The following AHDC1 variants were observed in gnomAD, a reference collection of about 807,000 sequenced individuals.
AHDC1 encodes AT-hook DNA binding motif containing 1.
In AHDC1, 7 loss-of-function variants were observed where a neutral mutation model predicts 87.9. The ratio of observed to expected loss-of-function variants is 0.08; its 90% CI spans 0.05 to 0.15. The LOEUF is 0.15. AHDC1 is among the 10% of genes least tolerant of loss of function. The pLI is 1.00. For missense variants in AHDC1, 1,841 were observed against 2,253.2 expected, an observed-to-expected ratio of 0.82 and a Z score of 3.70; for synonymous variants, 1,051 against 1,006.8, an observed-to-expected ratio of 1.04 and a Z score of -0.83.
At chr1:27,592,283 C>T (rs535061448) in intron 3 of AHDC1, among the ~76,000 whole-genome samples, 3 of 152,258 alleles carry the variant, frequency 2.0e-5, no homozygotes, top group East Asian at 1.9e-4. Flanking sequence ...CCACAGAGCC[C>T]GTCACCACCC....
Position 27,534,439 on chromosome 1 carries a change from C to T in AHDC1, c.*521G>A, listed in dbSNP as rs1481724878. The T allele has an allele frequency of 6.6e-6, 1 of 151,856 alleles. No individual in the cohort carries two copies. 9.4% of individuals were successfully genotyped at this position (151,856 alleles called of 1,614,324 possible). On this transcript the variant is annotated 3_prime_UTR_variant, in exon 9 of 9. Coordinates refer to ENST00000673934, the MANE Select transcript of AHDC1 (RefSeq NM_001371928.1). ...AAGAGGTTCTTCTCCCTCCCCCCCA[C>T]CATGCGAATTTGCACACCACGGGAC...
At chr1:27,602,526 C>A (rs556902362) in intron 3 of AHDC1, among the ~76,000 whole-genome samples, 1 of 152,134 alleles carries the variant, frequency 6.6e-6, no homozygotes, top group Non-Finnish European at 1.5e-5. Context: ...AGCCCCCTGC[C>A]CCTCTGGCTC....
Position 27,547,557 on chromosome 1 carries a change from T to G in AHDC1, c.4559A>C (p.Glu1520Ala). ...ATPKADKEPL[E>A]MARPPGPPRG... is the part of the protein sequence containing the mutation. ...GGGTGGGCCAGGGGGCCGGGCCATT[T>G]CCAGTGGCTCCTTGTCGGCCTTGGG... The change falls in exon 8 of 9, where the codon GAA (glutamate) becomes GCA (alanine). Residue 1520 changes from glutamate to alanine, a missense_variant. Physicochemically the swap from Glu to Ala is moderately radical, Grantham distance 107. Around this residue, in one of 13 missense-constraint regions of AHDC1, gnomAD observed 505 missense variants for 626.2 expected, o/e 0.81. Transcript: ENST00000673934. The surrounding 1 kb of genome is among the most constrained non-coding windows in gnomAD (Gnocchi z 4.9). The G allele has an allele frequency of 1.9e-6, 3 of 1,610,992 alleles. No homozygotes were observed. Among genetic ancestry groups the G allele is most frequent in the Non-Finnish European group, 2.5e-6 (3 of 1,179,034 alleles).
intron 3 of AHDC1, among the ~76,000 whole-genome samples, chr1:27,582,982 G>A (rs1255660043): frequency 6.6e-6 from 1 of 151,912 alleles, no homozygotes; most frequent in Non-Finnish European, 1.5e-5. Context: ...GCGCACTCTC[G>A]GCTCACTGCA....
Position 27,558,601 on chromosome 1 carries a change from C to G in AHDC1, c.-450-71G>C. The G allele has an allele frequency of 2.5e-6, 1 of 397,516 alleles. No homozygotes were observed. Among genetic ancestry groups the G allele is most frequent in the Non-Finnish European group, 4.4e-6 (1 of 225,888 alleles). The allele number at this position is 397,516 out of a possible 1,614,324, so 24.6% of individuals were successfully genotyped here. The stretch of plus-strand genomic sequence containing the variant: ...ATTCTGTAAAGAAGCTCTTTTTGAC[C>G]TAAGCTGGGAGGGGATCCCTGTTGG... On this transcript the variant is annotated intron_variant, in intron 4 of 8. Coordinates refer to ENST00000673934, the MANE Select transcript of AHDC1 (RefSeq NM_001371928.1). The surrounding 1 kb of genome is among the most constrained non-coding windows in gnomAD (Gnocchi z 5.6).
At chr1:27,591,835 G>A (rs1467121599) in intron 3 of AHDC1, among the ~76,000 whole-genome samples, 1 of 152,240 alleles carries the variant, frequency 6.6e-6, no homozygotes, top group African/African-American at 2.4e-5. Flanking sequence ...GGACTGTTGA[G>A]TTGAAATGAG....
At chr1:27,597,325 T>G (rs1455988362) in intron 3 of AHDC1, among the ~76,000 whole-genome samples, 1 of 150,664 alleles carries the variant, frequency 6.6e-6, no homozygotes, top group African/African-American at 2.5e-5. Flanking sequence ...GAGATTTACA[T>G]GTCACAAATT....
rs1269471002 is a variant in AHDC1, at chr1:27,590,807, CTT to C, written c.-629+12588_-629+12589del. Reference sequence around the variant, plus strand: ...CTGCCTAGCAATAGTGGCTGCAGCTCTTTCTTTCTCGTGGGAGGGTGCAATTT... The same window carrying C: ...CTGCCTAGCAATAGTGGCTGCAGCTCTCTTTCTCGTGGGAGGGTGCAATTT... On this transcript the variant is annotated intron_variant, in intron 3 of 8. Coordinates refer to ENST00000673934, the MANE Select transcript of AHDC1 (RefSeq NM_001371928.1). This position sits in a 1 kb window ranked among gnomAD's most constrained non-coding sequence, Gnocchi z 5.4. Among the ~76,000 whole-genome samples the C allele has an allele frequency of 1.3e-5, 2 of 152,146 alleles. No homozygotes were observed. Among genetic ancestry groups the C allele is most frequent in the East Asian group, 3.8e-4 (2 of 5,196 alleles).
chr1:27,549,035 G>T lies in AHDC1; in HGVS notation c.3081C>A (p.Gly1027=). Residue 1027 remains glycine (G), a synonymous_variant, in exon 8 of 9, where the codon GGC becomes GGA. Coordinates refer to ENST00000673934, the MANE Select transcript of AHDC1 (RefSeq NM_001371928.1). The part of the protein sequence containing the change: ...SAGYAPPPTG[G]PCLPPSKASF... ...AGGCCTTGCTTGGTGGCAGGCAGGG[G>T]CCCCCGGTAGGCGGTGGGGCATAGC... The T allele has an allele frequency of 6.4e-7, 1 of 1,574,580 alleles. No individual in the cohort carries two copies. Among genetic ancestry groups the T allele is most frequent in the Non-Finnish European group, 8.6e-7 (1 of 1,159,698 alleles).
At chr1:27,566,764 G>T (rs1400302791) in intron 3 of AHDC1, among the ~76,000 whole-genome samples, 1 of 146,802 alleles carries the variant, frequency 6.8e-6, no homozygotes. Flanking sequence ...TGGGCATGAG[G>T]CTCACAGATG....
Position 27,566,694 on chromosome 1 carries a change from G to T in AHDC1, c.-628-7811C>A, listed in dbSNP as rs2020333727. 2.9e-5 allele frequency among the ~76,000 whole-genome samples: 4 copies of T among 139,054 alleles called. No homozygotes were observed. The South Asian group carries it at 8.0e-4, about 28-fold the overall frequency. 91.2% of individuals were successfully genotyped at this position (139,054 alleles called of 152,430 possible). On this transcript the variant is annotated intron_variant, in intron 3 of 8. Transcript: ENST00000673934. ...AGGGAGGGGGGTGGAGGAGGAGGAGGAGGAGGGATGTCATTGCCAGAACTG... is the reference window on the plus strand; with the variant it reads ...AGGGAGGGGGGTGGAGGAGGAGGAGTAGGAGGGATGTCATTGCCAGAACTG...
At chr1:27,545,846 G>A (rs1371084442) in intron 8 of AHDC1, among the ~76,000 whole-genome samples, 2 of 152,170 alleles carry the variant, frequency 1.3e-5, no homozygotes, top group Non-Finnish European at 2.9e-5. Flanking sequence ...GGGAAACTGA[G>A]GCCCAGAGAG....
At chr1:27,543,203 G>A (rs889259969) in intron 8 of AHDC1, among the ~76,000 whole-genome samples, 3 of 152,208 alleles carry the variant, frequency 2.0e-5, no homozygotes, top group Non-Finnish European at 4.4e-5. Context: ...GAGTAGGGAG[G>A]GGAGAGGGAC....
Position 27,574,877 on chromosome 1 carries a change from G to C in AHDC1, c.-628-15994C>G, listed in dbSNP as rs546143346. On this transcript the variant is annotated intron_variant, in intron 3 of 8. Transcript: ENST00000673934. ...CTACTCCTGGATTCTCAGGGCTCTTGTAAAATGAAGCCCCTCCCATCCCGG... is the reference window on the plus strand; with the variant it reads ...CTACTCCTGGATTCTCAGGGCTCTTCTAAAATGAAGCCCCTCCCATCCCGG... 2.0e-5 allele frequency among the ~76,000 whole-genome samples: 3 copies of C among 152,306 alleles called. No individual in the cohort carries two copies. The East Asian group carries it at 5.8e-4, about 29-fold the overall frequency.
At chr1:27,578,546 G>C (rs1477803558) in intron 3 of AHDC1, among the ~76,000 whole-genome samples, 1 of 151,262 alleles carries the variant, frequency 6.6e-6, no homozygotes, top group East Asian at 2.0e-4. Context: ...CTGAGATTGT[G>C]CCACTGCACT....
At chr1:27,559,992 C>T (rs758528287) in intron 3 of AHDC1, among the ~76,000 whole-genome samples, 13 of 152,124 alleles carry the variant, frequency 8.5e-5, no homozygotes, top group African/African-American at 2.9e-4. Context: ...TTAGCCTGTT[C>T]GTGTGCTTCT....
intron 3 of AHDC1, among the ~76,000 whole-genome samples, chr1:27,591,462 G>A (rs2089219172): frequency 6.6e-6 from 1 of 152,202 alleles, no homozygotes; most frequent in Admixed American, 6.5e-5. Flanking sequence ...TATCCCAGGT[G>A]ACCACCTTTC....
At chr1:27,572,720 CCT>C (rs1557689227) in intron 3 of AHDC1, among the ~76,000 whole-genome samples, 2 of 152,224 alleles carry the variant, frequency 1.3e-5, no homozygotes, top group Non-Finnish European at 2.9e-5. Context: ...GAGGCTGGAG[CCT>C]CTCTGAGGAG....
intron 5 of AHDC1, among the ~76,000 whole-genome samples, chr1:27,554,143 C>T (rs768412929): frequency 1.3e-5 from 2 of 152,186 alleles, no homozygotes; most frequent in Admixed American, 1.3e-4. Context: ...ATCAACCCTG[C>T]CTTTTCCCTT....
Sources: allele counts gnomAD v4.1 joint callset (sites outside exome capture counted in the v4.1 genomes callset), GRCh38; gene constraint gnomAD v4.1.1; regional missense constraint gnomAD v4.1.1; non-coding constraint Gnocchi (gnomAD v3.1); transcripts MANE v1.5; gene names NCBI Gene and HGNC (gene_info 2026-07-23, HGNC 2026-07-21).